Variants in CNTN3 observed in about 807,000 individuals in gnomAD.
CNTN3 encodes contactin 3.
A neutral mutation model predicts 119.1 loss-of-function variants in CNTN3; 60 were observed. The ratio of observed to expected loss-of-function variants is 0.50; its 90% CI spans 0.41 to 0.62. The LOEUF (loss-of-function observed/expected upper bound fraction) is 0.62, where lower values mean the gene tolerates loss of function less well. CNTN3 is among the 20% of genes least tolerant of loss of function. The pLI is 0.00. For missense variants in CNTN3, 1,101 were observed against 1,242.4 expected, an observed-to-expected ratio of 0.89 and a Z score of 1.71; for synonymous variants, 450 against 438.7, an observed-to-expected ratio of 1.03 and a Z score of -0.32.
intron 8 of CNTN3, among the ~76,000 whole-genome samples, chr3:74,367,898 C>T (rs1285683343): frequency 1.3e-5 from 2 of 151,984 alleles, no homozygotes; most frequent in African/African-American, 2.4e-5. Flanking sequence ...AGTGGTTGCG[C>T]AGAAAGAAGG....
intron 19 of CNTN3, among the ~76,000 whole-genome samples, chr3:74,288,501 C>T (rs949647009): frequency 6.6e-5 from 10 of 152,038 alleles, no homozygotes; most frequent in Non-Finnish European, 1.5e-4. Flanking sequence ...GAACACATTC[C>T]GTACAGCTGT....
chr3:74,546,530 C>T (rs1204967462), intron 1 of CNTN3, among the ~76,000 whole-genome samples: 1 of 152,210 alleles, frequency 6.6e-6, no homozygotes, highest in Non-Finnish European at 1.5e-5. Flanking sequence ...TGTGGAAAGA[C>T]TAGACTGGCT....
intron 13 of CNTN3, among the ~76,000 whole-genome samples, chr3:74,317,635 T>C (rs1381398466): frequency 6.6e-6 from 1 of 152,154 alleles, no homozygotes; most frequent in Non-Finnish European, 1.5e-5. Flanking sequence ...GGGTTGAAAA[T>C]TCTTTTCTTT....
intron 5 of CNTN3, among the ~76,000 whole-genome samples, chr3:74,400,336 T>C (rs1362358061): frequency 1.3e-5 from 2 of 152,200 alleles, no homozygotes; most frequent in Non-Finnish European, 2.9e-5. Context: ...AGTTCAGAGC[T>C]GTTGTTAAAT....
At chr3:74,369,829 C>T (rs1704292912) in intron 7 of CNTN3, 60 bp downstream of exon 7, 2 of 908,608 alleles carry the variant, frequency 2.2e-6, no homozygotes, top group Non-Finnish European at 3.5e-6. Context: ...CAAAAACCAT[C>T]CTGATTTCTT....
At chr3:74,382,805 T>C (rs1481548602) in intron 5 of CNTN3, among the ~76,000 whole-genome samples, 9 of 152,228 alleles carry the variant, frequency 5.9e-5, no homozygotes, top group East Asian at 3.8e-4. Flanking sequence ...ATCTTGGCTG[T>C]TGTGAACAGT....
chr3:74,596,457 C>G (rs1704812068), intron 1 of CNTN3, among the ~76,000 whole-genome samples: 1 of 152,038 alleles, frequency 6.6e-6, no homozygotes, highest in Non-Finnish European at 1.5e-5. Flanking sequence ...CTACAGTAAC[C>G]AAAACAGCAT....
chr3:74,356,637 C>T (rs564550834), intron 11 of CNTN3, among the ~76,000 whole-genome samples: 1 of 152,182 alleles, frequency 6.6e-6, no homozygotes, highest in East Asian at 1.9e-4. Flanking sequence ...AAGGTATTTT[C>T]AAGTGTGAAC....
chr3:74,375,254 A>C (rs1704450437), intron 5 of CNTN3, among the ~76,000 whole-genome samples: 1 of 152,144 alleles, frequency 6.6e-6, no homozygotes, highest in Non-Finnish European at 1.5e-5. Flanking sequence ...AAACAGGAAA[A>C]GTAGGAGGAG....
At chr3:74,364,875 C>T (rs976475552) in intron 9 of CNTN3, among the ~76,000 whole-genome samples, 1 of 152,106 alleles carries the variant, frequency 6.6e-6, no homozygotes, top group Non-Finnish European at 1.5e-5. Flanking sequence ...TCACTTTTTC[C>T]CCTACAGTTA....
At chr3:74,586,293 T>A (rs1704591121) in intron 1 of CNTN3, among the ~76,000 whole-genome samples, 2 of 152,060 alleles carry the variant, frequency 1.3e-5, no homozygotes, top group Non-Finnish European at 2.9e-5. Context: ...CAAAAAAATA[T>A]AAAGTCATTA....
intron 4 of CNTN3, among the ~76,000 whole-genome samples, chr3:74,434,137 G>A: frequency 6.6e-6 from 1 of 152,112 alleles, no homozygotes; most frequent in East Asian, 1.9e-4. Flanking sequence ...AGAACATCAG[G>A]ATATTCTGAC....
chr3:74,295,326 T>C, intron 18 of CNTN3, 90 bp from the exon 19 acceptor site: 2 of 691,584 alleles, frequency 2.9e-6, no homozygotes, highest in East Asian at 5.4e-5. Context: ...AAAAGCATTT[T>C]AACGTATTTG....
chr3:74,464,440 A>G (rs1702425589), intron 4 of CNTN3, among the ~76,000 whole-genome samples: 1 of 152,180 alleles, frequency 6.6e-6, no homozygotes, highest in Admixed American at 6.6e-5. Flanking sequence ...GCAGAAATGT[A>G]TAATGACAGT....
At chr3:74,502,711 T>C (rs951799484) in intron 2 of CNTN3, among the ~76,000 whole-genome samples, 1 of 152,122 alleles carries the variant, frequency 6.6e-6, no homozygotes, top group African/African-American at 2.4e-5. Context: ...GGTTTCTTTT[T>C]GTCATTCAGA....
chr3:74,432,412 A>T (rs1475771718), intron 4 of CNTN3, among the ~76,000 whole-genome samples: 1 of 152,090 alleles, frequency 6.6e-6, no homozygotes, highest in Non-Finnish European at 1.5e-5. Flanking sequence ...ATCACAAAAA[A>T]ATCTCATAAT....
intron 19 of CNTN3, among the ~76,000 whole-genome samples, chr3:74,287,472 C>T (rs534822346): frequency 6.6e-6 from 1 of 152,140 alleles, no homozygotes; most frequent in Non-Finnish European, 1.5e-5. Context: ...ATCAGAAATA[C>T]TCTTTTAATA....
At chr3:74,348,095 C>G (rs1703734171) in intron 11 of CNTN3, among the ~76,000 whole-genome samples, 1 of 152,162 alleles carries the variant, frequency 6.6e-6, no homozygotes, top group African/African-American at 2.4e-5. Flanking sequence ...TGAGTAAGCT[C>G]TGGAGCTCTA....
At chr3:74,329,708 C>T (rs868042883) in intron 13 of CNTN3, among the ~76,000 whole-genome samples, 5 of 152,188 alleles carry the variant, frequency 3.3e-5, no homozygotes, top group Middle Eastern at 3.4e-3. Flanking sequence ...CTTTTCCTAT[C>T]GATGGATGCT....
Sources: allele counts gnomAD v4.1 joint callset (sites outside exome capture counted in the v4.1 genomes callset), GRCh38; gene constraint gnomAD v4.1.1; transcripts MANE v1.5; gene names NCBI Gene and HGNC (gene_info 2026-07-23, HGNC 2026-07-21).